The following ROCK2 variants were observed in gnomAD, a reference collection of about 807,000 sequenced individuals.
The protein encoded by ROCK2 is Rho associated coiled-coil containing protein kinase 2.
ROCK2 carries 61 observed loss-of-function variants against 195.1 expected under a neutral mutation model. The ratio of observed to expected loss-of-function variants is 0.31; its 90% CI spans 0.25 to 0.39. The LOEUF is 0.39. Ranked by LOEUF, ROCK2 falls within the 10% of genes least tolerant of loss-of-function variation. ROCK2 has a pLI of 1.00. For missense variants in ROCK2, 1,109 were observed against 1,637.4 expected, an observed-to-expected ratio of 0.68 and a Z score of 5.57; for synonymous variants, 504 against 545.5, an observed-to-expected ratio of 0.92 and a Z score of 1.06.
rs1663068701 is a variant in ROCK2, at chr2:11,183,174, G to C, written c.*263C>G. On this transcript the variant is annotated 3_prime_UTR_variant, in exon 33 of 33. Coordinates refer to ENST00000315872, the MANE Select transcript of ROCK2 (RefSeq NM_004850.5). ...ATTGTAGTGTGAGCGACTGCCGAGA[G>C]AGCTTTATGGAAAAGTCTGGAAGAG... is the stretch of plus-strand genomic sequence containing the variant. 5.5e-6 allele frequency: 2 copies of C among 364,110 alleles called. No homozygotes were observed. Among genetic ancestry groups the C allele is most frequent in the Middle Eastern group, 6.0e-4 (1 of 1,678 alleles). 22.6% of individuals were successfully genotyped at this position (364,110 alleles called of 1,614,324 possible). A position where few individuals can be genotyped will look rare whatever the true frequency, so the allele number is the denominator to read the frequency against.
intron 1 of ROCK2, among the ~76,000 whole-genome samples, chr2:11,342,198 T>C (rs1669127670): frequency 6.6e-6 from 1 of 152,186 alleles, no homozygotes; most frequent in Non-Finnish European, 1.5e-5. Context: ...TTTAACCAAC[T>C]AGAAACAGCA....
At chr2:11,309,233 G>C (rs1268329855) in intron 1 of ROCK2, among the ~76,000 whole-genome samples, 7 of 151,196 alleles carry the variant, frequency 4.6e-5, no homozygotes, top group African/African-American at 1.7e-4. Flanking sequence ...GGCATTATAA[G>C]TAATCTAGAA....
intron 3 of ROCK2, among the ~76,000 whole-genome samples, chr2:11,257,949 T>C (rs1170919247): frequency 1.3e-5 from 2 of 151,530 alleles, no homozygotes; most frequent in African/African-American, 4.9e-5. Context: ...CATTTATTTA[T>C]CATAATAGAA....
At chr2:11,301,156 CTT>C (rs1297681375) in intron 1 of ROCK2, among the ~76,000 whole-genome samples, 1 of 152,010 alleles carries the variant, frequency 6.6e-6, no homozygotes, top group Non-Finnish European at 1.5e-5. Flanking sequence ...TTATAACAAT[CTT>C]ATGTTTATAA....
In ROCK2 at chr2:11,197,439, G is replaced by T; in HGVS notation, c.3279+87C>A. 1 of 1,521,572 alleles carries T rather than the reference G, an allele frequency of 6.6e-7. No homozygotes were observed. The highest frequency in any genetic ancestry group is 1.2e-5 in the South Asian group (1 of 81,856). 94.3% of individuals were successfully genotyped at this position (1,521,572 alleles called of 1,614,324 possible). A position where few individuals can be genotyped will look rare whatever the true frequency, so the allele number is the denominator to read the frequency against. ...TCAATAATAATTATTAAATAGAAATGGTCTATAACCAGTAAAACACAGACA... is the reference window on the plus strand; with the variant it reads ...TCAATAATAATTATTAAATAGAAATTGTCTATAACCAGTAAAACACAGACA... On this transcript the variant is annotated intron_variant, in intron 26 of 32. Coordinates refer to ENST00000315872, the MANE Select transcript of ROCK2 (RefSeq NM_004850.5). This position sits in a 1 kb window ranked among gnomAD's most constrained non-coding sequence, Gnocchi z 4.9.
intron 1 of ROCK2, among the ~76,000 whole-genome samples, chr2:11,338,479 G>A (rs913769287): frequency 1.2e-4 from 19 of 152,048 alleles, no homozygotes; most frequent in East Asian, 1.9e-4. Context: ...ATACAGTATC[G>A]TATTAGGCAT....
In ROCK2 at chr2:11,214,926, T is replaced by C; in HGVS notation, c.1850A>G (p.Glu617Gly). The C allele has an allele frequency of 6.2e-7, 1 of 1,614,128 alleles. No homozygotes were observed. The highest frequency in any genetic ancestry group is 1.1e-5 in the South Asian group (1 of 91,084). The change falls in exon 16 of 33, where the codon GAA (glutamate) becomes GGA (glycine). Residue 617 changes from glutamate (E) to glycine (G), a missense_variant. Physicochemically the swap from Glu to Gly is moderately conservative, Grantham distance 98. Transcript: ENST00000315872. ...CLLETAKLKL[E>G]KEFINLQSAL... is the part of the protein sequence containing the mutation. ...TGACTGAAGATTGATAAATTCCTTT[T>C]CAAGTTTTAACTTGGCAGTCTCCAG...
At chr2:11,244,584 A>G (rs1462164265) in intron 4 of ROCK2, among the ~76,000 whole-genome samples, 3 of 151,998 alleles carry the variant, frequency 2.0e-5, no homozygotes, top group East Asian at 3.9e-4. Flanking sequence ...TGGGCAACAT[A>G]GTGAGACCCC....
chr2:11,263,604 TA>T lies in ROCK2; in HGVS notation c.325-13807del, dbSNP rs11376539. ...TCCTGCATCCAAAGTTTTACATTAT[TA>T]AAAAAAAAAAAGAAATCAAAGTATA... On this transcript the variant is annotated intron_variant, in intron 3 of 32. Coordinates refer to ENST00000315872, the MANE Select transcript of ROCK2 (RefSeq NM_004850.5). Among the ~76,000 whole-genome samples, 1,044 of 140,584 alleles carry T rather than the reference TA, an allele frequency of 7.4e-3. 14 individuals carry two copies. The highest frequency in any genetic ancestry group is 0.026 in the African/African-American group (995 of 37,652). 92.2% of individuals were successfully genotyped at this position (140,584 alleles called of 152,430 possible). A position where few individuals can be genotyped will look rare whatever the true frequency, so the allele number is the denominator to read the frequency against.
intron 7 of ROCK2, among the ~76,000 whole-genome samples, chr2:11,222,982 C>T (rs1664688615): frequency 6.6e-6 from 1 of 152,086 alleles, no homozygotes; most frequent in African/African-American, 2.4e-5. Flanking sequence ...CAGGTGTACC[C>T]TGTTGTACAA....
chr2:11,221,407 A>C, intron 8 of ROCK2, 50 bp from the exon 9 acceptor site: 1 of 1,319,806 alleles, frequency 7.6e-7, no homozygotes, highest in South Asian at 1.5e-5. Flanking sequence ...AAAATATATA[A>C]ACCATCCTAT....
intron 5 of ROCK2, chr2:11,234,614 A>G (rs1280987305): frequency 6.6e-6 from 1 of 152,150 alleles, no homozygotes; most frequent in African/African-American, 2.4e-5. Flanking sequence ...AAGACCAAAA[A>G]TATATAGGGA....
rs866326780 is a variant in ROCK2 at position 11,180,924 on chromosome 2, A to C, written c.*2513T>G. The C allele has an allele frequency of 2.0e-5, 3 of 152,130 alleles. No individual in the cohort carries two copies. The highest frequency in any genetic ancestry group is 7.2e-5 in the African/African-American group (3 of 41,430). 9.4% of individuals were successfully genotyped at this position (152,130 alleles called of 1,614,324 possible). ...GCGCATTTTCATTAGTTGGACAAACAACCTTATAAACCCTTATGTCAAACC... is the reference window on the plus strand; with the variant it reads ...GCGCATTTTCATTAGTTGGACAAACCACCTTATAAACCCTTATGTCAAACC... On this transcript the variant is annotated 3_prime_UTR_variant, in exon 33 of 33. Coordinates refer to ENST00000315872, the MANE Select transcript of ROCK2 (RefSeq NM_004850.5).
At position 11,344,160 on chromosome 2, in the gene ROCK2, C is replaced by G. The variant is rs1469083965; in HGVS notation, c.-24G>C. On this transcript the variant is annotated 5_prime_UTR_variant, in exon 1 of 33. Transcript: ENST00000315872. This position sits in a 1 kb window ranked among gnomAD's most constrained non-coding sequence, Gnocchi z 5.4. The stretch of plus-strand genomic sequence containing the variant: ...ATGCCGCCACCGCTGGACCCGCACT[C>G]AGGCTCCTCGCGCTCAGGTCCCGCA... 2 of 1,403,918 alleles carry G rather than the reference C, an allele frequency of 1.4e-6. No homozygotes were observed. The highest frequency in any genetic ancestry group is 6.1e-5 in the East Asian group (2 of 32,980). 87.0% of individuals were successfully genotyped at this position (1,403,918 alleles called of 1,614,324 possible).
At chr2:11,244,290 T>A (rs1024184560) in intron 4 of ROCK2, among the ~76,000 whole-genome samples, 1 of 152,198 alleles carries the variant, frequency 6.6e-6, no homozygotes, top group South Asian at 2.1e-4. Flanking sequence ...AAAGCCTAAA[T>A]ATTTACCATC....
chr2:11,198,430 A>C lies in ROCK2; in HGVS notation c.3099+61T>G, dbSNP rs1663718666. 3 of 1,160,218 alleles carry C rather than the reference A, an allele frequency of 2.6e-6. No individual in the cohort carries two copies. The Admixed American group carries it at 5.6e-5, about 22-fold the overall frequency. The allele number at this position is 1,160,218 out of a possible 1,614,324, so 71.9% of individuals were successfully genotyped here. The stretch of plus-strand genomic sequence containing the variant: ...TACCAATTTGTAATGCTAGAAGTAA[A>C]ATGTAAAAGAGATAAACTGAGACAA... On this transcript the variant is annotated intron_variant, in intron 25 of 32. Transcript: ENST00000315872.
chr2:11,284,749 TTTAA>T (rs1342518868), intron 3 of ROCK2, among the ~76,000 whole-genome samples: 1 of 152,214 alleles, frequency 6.6e-6, no homozygotes, highest in Non-Finnish European at 1.5e-5. Context: ...AAAATGGTTC[TTTAA>T]TTAAGACAGT....
chr2:11,343,873 A>C, intron 1 of ROCK2, 123 bp downstream of exon 1: 1 of 1,260,658 alleles, frequency 7.9e-7, no homozygotes, highest in Non-Finnish European at 1.1e-6. Context: ...CGGCTGCCGG[A>C]AGCAGGGCGG....
intron 1 of ROCK2, among the ~76,000 whole-genome samples, chr2:11,337,291 GA>G (rs1430543320): frequency 6.6e-6 from 1 of 150,476 alleles, no homozygotes; most frequent in Non-Finnish European, 1.5e-5. Context: ...CATAAGCTAG[GA>G]AAAAACATTC....
Sources: gnomAD v4.1 joint callset for allele counts (sites outside exome capture counted in the v4.1 genomes callset) on GRCh38, gnomAD v4.1.1 for gene constraint, Gnocchi (gnomAD v3.1) non-coding constraint, MANE v1.5 for transcripts, NCBI Gene and HGNC (gene_info 2026-07-23, HGNC 2026-07-21) for gene names.